MUC12: variants seen among roughly 807,000 people sequenced by gnomAD.
The protein encoded by MUC12 is mucin 12, cell surface associated, also known as mucin-12.
MUC12 carries 172 observed loss-of-function variants against 230.8 expected under a neutral mutation model. The ratio of observed to expected loss-of-function variants is 0.75; its 90% confidence interval spans 0.66 to 0.85. The LOEUF is 0.85. Ranked by LOEUF, MUC12 falls within the 40% of genes least tolerant of loss-of-function variation. The probability of loss-of-function intolerance (pLI) is 0.00; values close to 1 mark genes in which losing one functional copy is unlikely to be tolerated. For missense variants in MUC12, 3,506 were observed against 5,920.6 expected (o/e 0.59, Z 13.38); for synonymous variants, 1,259 against 2,401.9 (o/e 0.52, Z 13.91).
chr7:101,015,616 G>C lies in MUC12; in HGVS notation c.15802G>C (p.Glu5268Gln), dbSNP rs761277932. ...FSLSQRKRHREQYDVPQEWRK... is the reference protein window; with the variant it reads ...FSLSQRKRHRQQYDVPQEWRK... Reference sequence around the variant, plus strand: ...TGCTCAAGGCATTTCTGTCTGCAGGGAACAGTATGATGTGCCTCAAGAGTG... The same window carrying C: ...TGCTCAAGGCATTTCTGTCTGCAGGCAACAGTATGATGTGCCTCAAGAGTG... The change falls in exon 10 of 12, where the codon GAA (glutamate) becomes CAA (glutamine). Residue 5268 changes from glutamate to glutamine, a missense_variant and splice_region_variant. Glu to Gln is a conservative substitution (Grantham distance 29). Coordinates refer to ENST00000536621, the MANE Select transcript of MUC12 (RefSeq NM_001164462.2). The C allele has an allele frequency of 1.4e-5, 22 of 1,537,634 alleles. 1 individual carries two copies. In the South Asian group the frequency reaches 2.5e-4, roughly 17 times the overall value.
chr7:101,004,985 C>T lies in MUC12; in HGVS notation c.14422C>T (p.Leu4808=), dbSNP rs149449920. 30 of 1,537,712 alleles carry T rather than the reference C, an allele frequency of 2.0e-5. No homozygotes were observed. In the East Asian group the frequency reaches 7.1e-4, roughly 36 times the overall value. The part of the protein sequence containing the change: ...HSKPGSTETT[L]SPGSITTSSF... ...TAAGCCAGGCTCAACTGAGACAACA[C>T]TGTCCCCTGGCAGCATCACAACTTC... Residue 4808 remains leucine, a synonymous_variant, in exon 2 of 12, where the codon CTG becomes TTG. Transcript: ENST00000536621.
At chr7:101,015,268 C>T (rs1161794073) in intron 9 of MUC12, 2 of 264,864 alleles carry the variant, frequency 7.6e-6, no homozygotes, top group Admixed American at 9.9e-5. Context: ...CTTTTCCCAG[C>T]TGTAAAATGG....
intron 7 of MUC12, 22 bp downstream of exon 7, chr7:101,012,912 G>A (rs1793859064): frequency 1.3e-6 from 2 of 1,537,138 alleles, no homozygotes; most frequent in Non-Finnish European, 1.7e-6. Flanking sequence ...CGTGGAGCGT[G>A]GGCACTAAGA....
intron 9 of MUC12, 96 bp downstream of exon 9, chr7:101,014,170 C>A: frequency 2.9e-6 from 4 of 1,363,604 alleles, no homozygotes; most frequent in Non-Finnish European, 3.9e-6. Context: ...TCCTTCCAGG[C>A]CAGCAATCAG....
At chr7:101,017,759 C>T in intron 11 of MUC12, 96 bp downstream of exon 11, 1 of 875,290 alleles carries the variant, frequency 1.1e-6, no homozygotes, top group Non-Finnish European at 1.7e-6. Flanking sequence ...CCTGGGACTC[C>T]CTTCTCCCCC....
intron 11 of MUC12, 44 bp downstream of exon 11, chr7:101,017,707 CTTCCTCTGGGGTTCCCTCT>C (rs748007685): frequency 1.4e-6 from 2 of 1,422,008 alleles, no homozygotes; most frequent in Non-Finnish European, 1.9e-6. Context: ...GGCTGCTCCA[CTTCCTCTGGGGTTCCCTCT>C]TCCCCCGGGA....
intron 1 of MUC12, among the ~76,000 whole-genome samples, chr7:100,982,814 T>C (rs1259359193): frequency 2.0e-5 from 3 of 152,076 alleles, no homozygotes; most frequent in Non-Finnish European, 4.4e-5. Context: ...ACTGCAGCCT[T>C]GAGCTCCTGG....
At chr7:100,973,096 T>A in intron 1 of MUC12, 1 of 559,764 alleles carries the variant, frequency 1.8e-6, no homozygotes, top group Non-Finnish European at 3.1e-6. Context: ...TATTTAGACA[T>A]CACAGGAACC....
chr7:100,981,254 G>A, intron 1 of MUC12: 1 of 411,598 alleles, frequency 2.4e-6, no homozygotes, highest in South Asian at 8.5e-5. Context: ...AACTGGAGAA[G>A]GACCGCCGCA....
chr7:101,008,072 G>A (rs1187346258), intron 3 of MUC12, among the ~76,000 whole-genome samples: 1 of 151,470 alleles, frequency 6.6e-6, no homozygotes, highest in Non-Finnish European at 1.5e-5. Context: ...CCAAAGTGCT[G>A]GGATTACAGG....
chr7:100,975,667 C>T (rs983859714), intron 1 of MUC12, among the ~76,000 whole-genome samples: 14 of 17,614 alleles, frequency 7.9e-4, no homozygotes, highest in Middle Eastern at 0.031. Flanking sequence ...AGGGGGCCTC[C>T]GGGGCCCTTC....
In MUC12 at chr7:100,991,795, G is replaced by A; in HGVS notation, c.1232G>A (p.Ser411Asn). 6.5e-7 allele frequency: 1 copy of A among 1,537,806 alleles called. No individual in the cohort carries two copies. The highest frequency in any genetic ancestry group is 8.7e-7 in the Non-Finnish European group (1 of 1,147,050). ...PSTTAALAHT[S>N]YHSSLGSTET... ...ACCACAGCTGCCCTAGCACATACAA[G>A]CTACCACAGCAGCCTGGGCTCAACT... Residue 411 changes from serine (S) to asparagine (N), a missense_variant, in exon 2 of 12, where the codon AGC becomes AAC. Ser to Asn is a conservative substitution (Grantham distance 46). Transcript: ENST00000536621.
intron 1 of MUC12, among the ~76,000 whole-genome samples, chr7:100,980,112 C>T (rs1165141600): frequency 1.3e-5 from 2 of 151,780 alleles, no homozygotes; most frequent in East Asian, 1.9e-4. Context: ...GGTGCCATCT[C>T]GGCTCACTGC....
At position 100,991,798 on chromosome 7, in the gene MUC12, A is replaced by G. The variant is rs1793316650; in HGVS notation, c.1235A>G (p.Tyr412Cys). The G allele has an allele frequency of 1.3e-6, 2 of 1,537,964 alleles. No individual in the cohort carries two copies. Among genetic ancestry groups the G allele is most frequent in the South Asian group, 1.2e-5 (1 of 84,060 alleles). Residue 412 changes from tyrosine to cysteine, a missense_variant, in exon 2 of 12, where the codon TAC (tyrosine) becomes TGC (cysteine). Tyr to Cys is a radical substitution (Grantham distance 194, BLOSUM62 -2). Transcript: ENST00000536621. ...ACAGCTGCCCTAGCACATACAAGCT[A>G]CCACAGCAGCCTGGGCTCAACTGAA... Reference protein sequence around the residue: ...STTAALAHTSYHSSLGSTETT... With the variant: ...STTAALAHTSCHSSLGSTETT...
rs1458065424 is a variant in MUC12, at chr7:100,993,933, G to C, written c.3370G>C (p.Gly1124Arg). Residue 1124 changes from glycine (G) to arginine (R), a missense_variant, in exon 2 of 12, where the codon GGC (glycine) becomes CGC (arginine). Gly to Arg is a moderately radical substitution (Grantham distance 125). Coordinates refer to ENST00000536621, the MANE Select transcript of MUC12 (RefSeq NM_001164462.2). ...TLSPASMTSL[G>R]VGEESTTSRS... ...CTCACCTGCCAGCATGACAAGCCTGGGCGTCGGTGAAGAATCCACCACCTC... is the reference window on the plus strand; with the variant it reads ...CTCACCTGCCAGCATGACAAGCCTGCGCGTCGGTGAAGAATCCACCACCTC... 1 of 1,408,596 alleles carries C rather than the reference G, an allele frequency of 7.1e-7. No individual in the cohort carries two copies. The highest frequency in any genetic ancestry group is 9.3e-7 in the Non-Finnish European group (1 of 1,070,946). 87.3% of individuals were successfully genotyped at this position (1,408,596 alleles called of 1,614,324 possible). A position where few individuals can be genotyped will look rare whatever the true frequency, so the allele number is the denominator to read the frequency against.
At chr7:100,981,428 G>A (rs1294640309) in intron 1 of MUC12, 2 of 618,932 alleles carry the variant, frequency 3.2e-6, no homozygotes, top group Non-Finnish European at 5.8e-6. Context: ...GGGGATGGCA[G>A]AGCCGAGGGC....
chr7:100,973,951 G>A (rs111548506), intron 1 of MUC12, among the ~76,000 whole-genome samples: 15,056 of 151,498 alleles, frequency 0.099, 1,189 homozygotes, highest in Admixed American at 0.26. Flanking sequence ...CCAGGAGTTC[G>A]AGACCAGCTC....
At chr7:101,007,249 G>A (rs769691113) in intron 3 of MUC12, among the ~76,000 whole-genome samples, 19 of 152,176 alleles carry the variant, frequency 1.2e-4, no homozygotes, top group African/African-American at 1.7e-4. Flanking sequence ...ATGAGCCATC[G>A]CGCCCAGCTA....
intron 2 of MUC12, among the ~76,000 whole-genome samples, chr7:101,005,933 G>A (rs895589635): frequency 4.3e-4 from 65 of 151,992 alleles, no homozygotes; most frequent in African/African-American, 1.5e-3. Flanking sequence ...AAGTGGCTTG[G>A]ATTACAGGTG....
Sources: gnomAD v4.1 joint callset for allele counts (sites outside exome capture counted in the v4.1 genomes callset) on GRCh38, gnomAD v4.1.1 for gene constraint, MANE v1.5 for transcripts, NCBI Gene and HGNC (gene_info 2026-07-23, HGNC 2026-07-21) for gene names.